The following RNF40 variants were observed in gnomAD, a reference collection of about 807,000 sequenced individuals.
The protein encoded by RNF40 is E3 ubiquitin-protein ligase BRE1B.
A neutral mutation model predicts 123.3 loss-of-function variants in RNF40; 39 were observed. The observed-to-expected ratio is 0.32, with a 90% CI of 0.24 to 0.41. The LOEUF (loss-of-function observed/expected upper bound fraction) is 0.41. Among genes scored for constraint, RNF40 ranks in the 10% least tolerant of loss-of-function variants. The pLI, the probability that RNF40 is intolerant of heterozygous loss-of-function variation, is 1.00. For missense variants in RNF40, 1,003 were observed against 1,319.9 expected (o/e 0.76, Z 3.72); for synonymous variants, 538 against 526.0 (o/e 1.02, Z -0.31).
rs780871827 is a variant in RNF40 at position 30,768,761 on chromosome 16, G to T, written c.2097+25G>T. ...GGTGAGGGCAGCTGGGGCTTGTGGGGCATTCAGAAAGGCAGAGCAGAGTCC... is the reference window on the plus strand; with the variant it reads ...GGTGAGGGCAGCTGGGGCTTGTGGGTCATTCAGAAAGGCAGAGCAGAGTCC... On this transcript the variant is annotated intron_variant, in intron 14 of 19. Coordinates refer to ENST00000324685, the MANE Select transcript of RNF40 (RefSeq NM_014771.4). This position sits in a 1 kb window ranked among gnomAD's most constrained non-coding sequence, Gnocchi z 4.1. 3.1e-6 allele frequency: 5 copies of T among 1,613,798 alleles called. No individual in the cohort carries two copies. In the South Asian group the frequency reaches 5.5e-5, roughly 18 times the overall value.
rs750831989 is a variant in RNF40 at position 30,762,324 on chromosome 16, A to G, written c.-108A>G. On this transcript the variant is annotated 5_prime_UTR_variant, in exon 1 of 20. Transcript: ENST00000324685. Reference sequence around the variant, plus strand: ...AGTGACGCCCAGTGACGTCCGGTGAAATCCAAGATGGCGGCGCTAGGCTGA... The same window carrying G: ...AGTGACGCCCAGTGACGTCCGGTGAGATCCAAGATGGCGGCGCTAGGCTGA... The G allele has an allele frequency of 3.9e-6, 2 of 511,988 alleles. No homozygotes were observed. Among genetic ancestry groups the G allele is most frequent in the Non-Finnish European group, 6.7e-6 (2 of 296,658 alleles). The allele number at this position is 511,988 out of a possible 1,614,324, so 31.7% of individuals were successfully genotyped here.
chr16:30,762,836 C>G, intron 2 of RNF40, 159 bp downstream of exon 2: 1 of 949,862 alleles, frequency 1.1e-6, no homozygotes, highest in Non-Finnish European at 1.6e-6. Context: ...GAACACGACG[C>G]CTGTCTTCCC....
chr16:30,766,306 G>T lies in RNF40; in HGVS notation c.1113+24G>T. The T allele has an allele frequency of 4.3e-6, 7 of 1,614,048 alleles. No homozygotes were observed. The highest frequency in any genetic ancestry group is 5.9e-6 in the Non-Finnish European group (7 of 1,179,948). ...AGGTGGGCTGCTGTAGGGGCTGAGAGGTCCTGGGCCTGTAAGGGAGGGACT... is the reference window on the plus strand; with the variant it reads ...AGGTGGGCTGCTGTAGGGGCTGAGATGTCCTGGGCCTGTAAGGGAGGGACT... On this transcript the variant is annotated intron_variant, in intron 9 of 19. Coordinates refer to ENST00000324685, the MANE Select transcript of RNF40 (RefSeq NM_014771.4). This position sits in a 1 kb window ranked among gnomAD's most constrained non-coding sequence, Gnocchi z 5.4.
chr16:30,761,791 G>GC, upstream of RNF40: 1 of 1,482,230 alleles, frequency 6.7e-7, no homozygotes, highest in Non-Finnish European at 9.0e-7. Context: ...GGCTCCCGCC[G>GC]CCTAGGTTCC....
At chr16:30,762,766 C>G in intron 2 of RNF40, 89 bp downstream of exon 2, 3 of 1,530,632 alleles carry the variant, frequency 2.0e-6, no homozygotes, top group Non-Finnish European at 1.8e-6. Context: ...ACACCCACTT[C>G]CCCAAGTTTA....
At position 30,774,969 on chromosome 16, in the gene RNF40, C is replaced by T. The variant is rs1439177336; in HGVS notation, c.*855C>T. 4.4e-6 allele frequency: 2 copies of T among 456,426 alleles called. No individual in the cohort carries two copies. The highest frequency in any genetic ancestry group is 3.2e-4 in the Middle Eastern group (1 of 3,092). 28.3% of individuals were successfully genotyped at this position (456,426 alleles called of 1,614,324 possible). On this transcript the variant is annotated 3_prime_UTR_variant, in exon 20 of 20. Coordinates refer to ENST00000324685, the MANE Select transcript of RNF40 (RefSeq NM_014771.4). Reference sequence around the variant, plus strand: ...AGACCAGCCCCAGCCGCTGGGCCAACTTCCAATCATTCCAGCTAGAAGAGC... The same window carrying T: ...AGACCAGCCCCAGCCGCTGGGCCAATTTCCAATCATTCCAGCTAGAAGAGC...
intron 19 of RNF40, among the ~76,000 whole-genome samples, chr16:30,772,523 C>T (rs2054166064): frequency 6.6e-6 from 1 of 152,164 alleles, no homozygotes; most frequent in African/African-American, 2.4e-5. Context: ...TCAGGGGAGG[C>T]CCTTCCCCTG....
At chr16:30,771,417 A>T (rs2054145668) in intron 17 of RNF40, among the ~76,000 whole-genome samples, 1 of 151,992 alleles carries the variant, frequency 6.6e-6, no homozygotes, top group African/African-American at 2.4e-5. Flanking sequence ...GGAGATCTAG[A>T]CCATCCTGGC....
chr16:30,766,504 G>A lies in RNF40; in HGVS notation c.1239G>A (p.Arg413=), dbSNP rs2054034439. Residue 413 remains arginine, a synonymous_variant, in exon 10 of 20, where the codon CGG becomes CGA. Coordinates refer to ENST00000324685, the MANE Select transcript of RNF40 (RefSeq NM_014771.4). The surrounding 1 kb of genome is among the most constrained non-coding windows in gnomAD (Gnocchi z 5.4). ...TGAAGACCCAGCTAGACGAGGCTCG[G>A]GGCCTGCTGCTGGCCACAAAGAACT... The part of the protein sequence containing the change: ...LQVKTQLDEA[R]GLLLATKNSH... 3 of 1,613,268 alleles carry A rather than the reference G, an allele frequency of 1.9e-6. No homozygotes were observed. Among genetic ancestry groups the A allele is most frequent in the South Asian group, 2.2e-5 (2 of 91,050 alleles).
Position 30,766,350 on chromosome 16 carries a change from C to A in RNF40, c.1114-29C>A. 1 of 1,612,260 alleles carries A rather than the reference C, an allele frequency of 6.2e-7. No individual in the cohort carries two copies. Among genetic ancestry groups the A allele is most frequent in the Non-Finnish European group, 8.5e-7 (1 of 1,178,606 alleles). On this transcript the variant is annotated intron_variant, in intron 9 of 19. Coordinates refer to ENST00000324685, the MANE Select transcript of RNF40 (RefSeq NM_014771.4). This position sits in a 1 kb window ranked among gnomAD's most constrained non-coding sequence, Gnocchi z 5.4. ...AGGGACTGAGCCCTGAATCCTGTTG[C>A]TGATCCCATTTGGGCATCCCTGCCC...
chr16:30,774,133 T>G lies in RNF40; in HGVS notation c.*19T>G. 1 of 1,605,506 alleles carries G rather than the reference T, an allele frequency of 6.2e-7. No individual in the cohort carries two copies. The highest frequency in any genetic ancestry group is 8.5e-7 in the Non-Finnish European group (1 of 1,174,200). On this transcript the variant is annotated 3_prime_UTR_variant, in exon 20 of 20. Transcript: ENST00000324685. Reference sequence around the variant, plus strand: ...CAGCTGAACCTGAAACTCAGGGGACTCTGGAACACCATGGACCCTGGGGGC... The same window carrying G: ...CAGCTGAACCTGAAACTCAGGGGACGCTGGAACACCATGGACCCTGGGGGC...
rs1204758472 is a variant in RNF40, at chr16:30,774,758, G to GT, written c.*645dup. 5.8e-6 allele frequency: 2 copies of GT among 347,752 alleles called. No homozygotes were observed. The highest frequency in any genetic ancestry group is 4.3e-5 in the African/African-American group (2 of 46,506). The allele number at this position is 347,752 out of a possible 1,614,324, so 21.5% of individuals were successfully genotyped here. A position where few individuals can be genotyped will look rare whatever the true frequency, so the allele number is the denominator to read the frequency against. On this transcript the variant is annotated 3_prime_UTR_variant, in exon 20 of 20. Transcript: ENST00000324685. ...TGCAGTCACCTTCCTCATCTTGCAG[G>GT]TGCTGAACCAACATCATCAGTTTCT...
At chr16:30,764,809 C>G (rs1341939125) in intron 5 of RNF40, 129 bp from the exon 6 acceptor site, 1 of 1,349,884 alleles carries the variant, frequency 7.4e-7, no homozygotes, top group African/African-American at 1.5e-5. Flanking sequence ...ATAAAGACTC[C>G]TGGCTTTGTC....
chr16:30,774,684 T>C lies in RNF40; in HGVS notation c.*570T>C, dbSNP rs1438626296. 2 of 321,074 alleles carry C rather than the reference T, an allele frequency of 6.2e-6. No homozygotes were observed. Among genetic ancestry groups the C allele is most frequent in the African/African-American group, 4.4e-5 (2 of 45,910 alleles). The allele number at this position is 321,074 out of a possible 1,614,324, so 19.9% of individuals were successfully genotyped here. On this transcript the variant is annotated 3_prime_UTR_variant, in exon 20 of 20. Coordinates refer to ENST00000324685, the MANE Select transcript of RNF40 (RefSeq NM_014771.4). ...GCCAAGGGCTGAAGGAGGTACCCTC[T>C]TGGCAGATGGGGGCATCACTTGCTT...
Position 30,762,479 on chromosome 16 carries a change from C to G in RNF40, c.-67C>G. 6 of 1,483,862 alleles carry G rather than the reference C, an allele frequency of 4.0e-6. No homozygotes were observed. The South Asian group carries it at 7.8e-5, about 19-fold the overall frequency. 91.9% of individuals were successfully genotyped at this position (1,483,862 alleles called of 1,614,324 possible). On this transcript the variant is annotated 5_prime_UTR_variant, in exon 2 of 20. Coordinates refer to ENST00000324685, the MANE Select transcript of RNF40 (RefSeq NM_014771.4). Reference sequence around the variant, plus strand: ...TCTGCTCTGTGTCTTCTGCAGGTGACGGAAGTACCGCCTCCTCCCGTTTGA... The same window carrying G: ...TCTGCTCTGTGTCTTCTGCAGGTGAGGGAAGTACCGCCTCCTCCCGTTTGA...
At chr16:30,762,996 G>A (rs772813802) in intron 2 of RNF40, 122 bp from the exon 3 acceptor site, 4 of 1,096,194 alleles carry the variant, frequency 3.6e-6, no homozygotes, top group Non-Finnish European at 5.2e-6. Flanking sequence ...TCTGTTAGCG[G>A]TTAGTGTGGG....
In RNF40 at chr16:30,766,479, T is replaced by C; in HGVS notation, c.1214T>C (p.Val405Ala). The C allele has an allele frequency of 1.2e-6, 2 of 1,613,770 alleles. No individual in the cohort carries two copies. The highest frequency in any genetic ancestry group is 2.2e-5 in the South Asian group (2 of 91,076). ...CTGCTCTACAACGAGTCTCTGCAAGTGAAGACCCAGCTAGACGAGGCTCGG... is the reference window on the plus strand; with the variant it reads ...CTGCTCTACAACGAGTCTCTGCAAGCGAAGACCCAGCTAGACGAGGCTCGG... ...FSLLYNESLQ[V>A]KTQLDEARGL... The change falls in exon 10 of 20, where the codon GTG becomes GCG. Residue 405 changes from valine to alanine, a missense_variant. This residue lies in a region of RNF40 where 274 missense variants were observed against 356.9 expected (regional missense o/e 0.77). Coordinates refer to ENST00000324685, the MANE Select transcript of RNF40 (RefSeq NM_014771.4). This position sits in a 1 kb window ranked among gnomAD's most constrained non-coding sequence, Gnocchi z 5.4.
In RNF40 at chr16:30,766,321, A is replaced by C. The variant is rs767054876; in HGVS notation, c.1113+39A>C. ...GGGGCTGAGAGGTCCTGGGCCTGTA[A>C]GGGAGGGACTGAGCCCTGAATCCTG... is the stretch of plus-strand genomic sequence containing the variant. On this transcript the variant is annotated intron_variant, in intron 9 of 19. Coordinates refer to ENST00000324685, the MANE Select transcript of RNF40 (RefSeq NM_014771.4). The surrounding 1 kb of genome is among the most constrained non-coding windows in gnomAD (Gnocchi z 5.4). The C allele has an allele frequency of 3.7e-6, 6 of 1,613,740 alleles. No individual in the cohort carries two copies. The South Asian group carries it at 6.6e-5, about 18-fold the overall frequency.
chr16:30,774,790 A>C lies in RNF40; in HGVS notation c.*676A>C, dbSNP rs1019330753. 1 of 362,846 alleles carries C rather than the reference A, an allele frequency of 2.8e-6. No homozygotes were observed. The highest frequency in any genetic ancestry group is 5.5e-6 in the Non-Finnish European group (1 of 183,478). The allele number at this position is 362,846 out of a possible 1,614,324, so 22.5% of individuals were successfully genotyped here. A position where few individuals can be genotyped will look rare whatever the true frequency, so the allele number is the denominator to read the frequency against. Reference sequence around the variant, plus strand: ...ACCAACATCATCAGTTTCTATTCTAATCAGGCCCCTTCCCAATCTCCATTT... The same window carrying C: ...ACCAACATCATCAGTTTCTATTCTACTCAGGCCCCTTCCCAATCTCCATTT... On this transcript the variant is annotated 3_prime_UTR_variant, in exon 20 of 20. Transcript: ENST00000324685.
Sources: gnomAD v4.1 joint callset for allele counts (sites outside exome capture counted in the v4.1 genomes callset) on GRCh38, gnomAD v4.1.1 for gene constraint, gnomAD v4.1.1 regional missense constraint, Gnocchi (gnomAD v3.1) non-coding constraint, MANE v1.5 for transcripts, NCBI Gene and HGNC (gene_info 2026-07-23, HGNC 2026-07-21) for gene names.